OPCML: variants seen among roughly 807,000 people sequenced by gnomAD.
OPCML encodes opioid-binding protein/cell adhesion molecule.
In OPCML, 13 loss-of-function variants were observed where a neutral mutation model predicts 37.8. The observed-to-expected ratio is 0.34, with a 90% CI of 0.22 to 0.55. The LOEUF (loss-of-function observed/expected upper bound fraction) is 0.55, where lower values mean the gene tolerates loss of function less well. Ranked by LOEUF, OPCML falls within the 20% of genes least tolerant of loss-of-function variation. OPCML has a pLI of 0.91. For synonymous variants in OPCML, 176 were observed against 168.8 expected (o/e 1.04, Z -0.33); for missense variants, 341 against 435.6 (o/e 0.78, Z 1.93).
intron 1 of OPCML, among the ~76,000 whole-genome samples, chr11:133,527,488 C>A (rs146743794): frequency 0.018 from 2,668 of 152,226 alleles, 78 homozygotes; most frequent in African/African-American, 0.061. Flanking sequence ...AGTAGATTGT[C>A]TTTTACTAAT....
At chr11:132,459,429 A>ATACC (rs1482621275) in intron 4 of OPCML, among the ~76,000 whole-genome samples, 1 of 150,108 alleles carries the variant, frequency 6.7e-6, no homozygotes, top group Non-Finnish European at 1.5e-5. Flanking sequence ...ACATACATAC[A>ATACC]TACATACATA....
At chr11:133,524,799 C>A (rs1342460510) in intron 1 of OPCML, among the ~76,000 whole-genome samples, 1 of 152,220 alleles carries the variant, frequency 6.6e-6, no homozygotes, top group Non-Finnish European at 1.5e-5. Flanking sequence ...CTCTCAGAAG[C>A]AAGGCACATC....
chr11:132,912,867 C>T (rs1944472339), intron 2 of OPCML, among the ~76,000 whole-genome samples: 1 of 152,196 alleles, frequency 6.6e-6, no homozygotes, highest in Non-Finnish European at 1.5e-5. Flanking sequence ...CCAGATCTTC[C>T]ATGGGGACTT....
At chr11:132,480,762 C>T (rs1467892582) in intron 4 of OPCML, among the ~76,000 whole-genome samples, 1 of 151,976 alleles carries the variant, frequency 6.6e-6, no homozygotes, top group Non-Finnish European at 1.5e-5. Flanking sequence ...TCATATCCAG[C>T]CAAACTAAGC....
intron 2 of OPCML, among the ~76,000 whole-genome samples, chr11:132,774,044 A>G (rs1946733178): frequency 6.6e-6 from 1 of 152,200 alleles, no homozygotes; most frequent in South Asian, 2.1e-4. Context: ...TCCTGGTCCA[A>G]AATTATGTCC....
intron 1 of OPCML, among the ~76,000 whole-genome samples, chr11:133,396,928 T>C (rs1390871009): frequency 6.6e-6 from 1 of 152,212 alleles, no homozygotes; most frequent in South Asian, 2.1e-4. Flanking sequence ...AGCTGTAGTA[T>C]AGAAATATGT....
At chr11:133,230,095 C>A (rs961359898) in intron 1 of OPCML, among the ~76,000 whole-genome samples, 3 of 152,172 alleles carry the variant, frequency 2.0e-5, no homozygotes, top group Non-Finnish European at 4.4e-5. Flanking sequence ...CCAATGCGTC[C>A]CACCATGCAT....
chr11:133,024,663 T>G, intron 1 of OPCML: 1 of 859,930 alleles, frequency 1.2e-6, no homozygotes, highest in Non-Finnish European at 1.4e-6. Flanking sequence ...TTGACAGTGG[T>G]GAAGATGTTT....
At chr11:133,098,663 G>T (rs1010887806) in intron 1 of OPCML, among the ~76,000 whole-genome samples, 5 of 152,130 alleles carry the variant, frequency 3.3e-5, no homozygotes, top group Admixed American at 3.3e-4. Context: ...GGAATAGGAA[G>T]AAAATTTTAA....
chr11:133,418,590 T>C (rs918344203), intron 1 of OPCML: 42 of 353,038 alleles, frequency 1.2e-4, no homozygotes, highest in African/African-American at 3.8e-4. Context: ...TGGTCATTCC[T>C]GGGTGTGGGC....
At chr11:132,805,019 T>C (rs1005439757) in intron 2 of OPCML, among the ~76,000 whole-genome samples, 8 of 152,160 alleles carry the variant, frequency 5.3e-5, no homozygotes, top group African/African-American at 1.9e-4. Flanking sequence ...TAAAAATGTG[T>C]TCACAAAATT....
chr11:132,657,376 A>G, intron 2 of OPCML, 57 bp from the exon 3 acceptor site: 1 of 1,580,686 alleles, frequency 6.3e-7, no homozygotes, highest in African/African-American at 1.3e-5. Context: ...GAGAGTGGAG[A>G]GATTATATAA....
intron 2 of OPCML, among the ~76,000 whole-genome samples, chr11:132,840,012 A>G (rs1440339381): frequency 6.6e-6 from 1 of 152,100 alleles, no homozygotes; most frequent in Non-Finnish European, 1.5e-5. Flanking sequence ...GGGAGGAGAA[A>G]GCCCCTGGGA....
chr11:132,782,515 T>G (rs1947066247), intron 2 of OPCML, among the ~76,000 whole-genome samples: 1 of 152,250 alleles, frequency 6.6e-6, no homozygotes, highest in African/African-American at 2.4e-5. Flanking sequence ...TTAATTATAA[T>G]AAGATGTGAT....
intron 3 of OPCML, among the ~76,000 whole-genome samples, chr11:132,629,746 T>C (rs1289666361): frequency 6.6e-6 from 1 of 152,154 alleles, no homozygotes; most frequent in Non-Finnish European, 1.5e-5. Context: ...GTTGTTCTAC[T>C]TAAAACCAAG....
At position 133,206,043 on chromosome 11, in the gene OPCML, C is replaced by G. The variant is rs1191699534; in HGVS notation, c.62-263033G>C. Among the ~76,000 whole-genome samples, 3 of 152,188 alleles carry G rather than the reference C, an allele frequency of 2.0e-5. No homozygotes were observed. The highest frequency in any genetic ancestry group is 7.2e-5 in the African/African-American group (3 of 41,440). On this transcript the variant is annotated intron_variant, in intron 1 of 7. Transcript: ENST00000524381. This position sits in a 1 kb window ranked among gnomAD's most constrained non-coding sequence, Gnocchi z 4.7. Reference sequence around the variant, plus strand: ...AGGAATACAAGAGCTAATGTACATACATGATGTAGTACCATGTCTAGTGCC... The same window carrying G: ...AGGAATACAAGAGCTAATGTACATAGATGATGTAGTACCATGTCTAGTGCC...
chr11:132,552,609 T>G (rs2096384469), intron 3 of OPCML, among the ~76,000 whole-genome samples: 1 of 152,154 alleles, frequency 6.6e-6, no homozygotes, highest in South Asian at 2.1e-4. Flanking sequence ...CCTAAACTTA[T>G]GGACATAGCT....
intron 2 of OPCML, among the ~76,000 whole-genome samples, chr11:132,662,766 G>A (rs1472894897): frequency 7.9e-5 from 12 of 152,164 alleles, no homozygotes; most frequent in Non-Finnish European, 1.2e-4. Flanking sequence ...ATGCATGTCC[G>A]AAAATTGTGT....
rs139337787 is a variant in OPCML at position 132,487,435 on chromosome 11, A to G, written c.505+41626T>C. On this transcript the variant is annotated intron_variant, in intron 4 of 7. Coordinates refer to ENST00000524381, the MANE Select transcript of OPCML (RefSeq NM_001012393.5). ...CTTTTCTTCATTTATCTGTTCCCAC[A>G]GTCATTCAACAAGCATTTATTGGGA... Among the ~76,000 whole-genome samples, 597 of 152,338 alleles carry G rather than the reference A, an allele frequency of 3.9e-3. 3 individuals are homozygous for G. Among genetic ancestry groups the G allele is most frequent in the African/African-American group, 0.014 (576 of 41,574 alleles).
Sources: allele counts gnomAD v4.1 joint callset (sites outside exome capture counted in the v4.1 genomes callset), GRCh38; gene constraint gnomAD v4.1.1; non-coding constraint Gnocchi (gnomAD v3.1); transcripts MANE v1.5; gene names NCBI Gene and HGNC (gene_info 2026-07-23, HGNC 2026-07-21).